KHDRBS2: variants seen among roughly 807,000 people sequenced by gnomAD.
KHDRBS2 encodes the protein KH RNA binding domain containing, signal transduction associated 2.
A neutral mutation model predicts 44.3 loss-of-function variants in KHDRBS2; 26 were observed. That is an observed-to-expected ratio of 0.59 (90% CI 0.43 to 0.81). The LOEUF is 0.81. Among genes scored for constraint, KHDRBS2 ranks in the 40% least tolerant of loss-of-function variants. The pLI is 0.00. For synonymous variants in KHDRBS2, 194 were observed against 151.1 expected, an observed-to-expected ratio of 1.28 and a Z score of -2.08; for missense variants, 476 against 433.1, an observed-to-expected ratio of 1.10 and a Z score of -0.88.
intron 6 of KHDRBS2, among the ~76,000 whole-genome samples, chr6:61,776,677 T>C (rs1183213131): frequency 1.3e-5 from 2 of 152,170 alleles, no homozygotes; most frequent in African/African-American, 2.4e-5. Context: ...GGAACACTTT[T>C]ACACTGTTGG....
At chr6:61,621,937 T>C in the KHDRBS2 span, among the ~76,000 whole-genome samples, 3 of 152,164 alleles carry the variant, frequency 2.0e-5, no homozygotes, top group African/African-American at 7.2e-5. Context: ...AGCTTCACCA[T>C]AGAGATAGTA....
chr6:62,280,030 T>C (rs79541709), intron 1 of KHDRBS2, among the ~76,000 whole-genome samples: 1,811 of 152,284 alleles, frequency 0.012, 32 homozygotes, highest in African/African-American at 0.041. Context: ...AACCTGATCA[T>C]TCTAAAATAA....
intron 2 of KHDRBS2, among the ~76,000 whole-genome samples, chr6:62,096,909 C>T (rs1382529893): frequency 7.9e-5 from 12 of 151,686 alleles, no homozygotes; most frequent in Admixed American, 7.9e-4. Flanking sequence ...TTTGGGAGTA[C>T]TATAGATTTG....
At chr6:61,562,750 G>T in the KHDRBS2 span, among the ~76,000 whole-genome samples, 3 of 152,052 alleles carry the variant, frequency 2.0e-5, no homozygotes, top group Non-Finnish European at 4.4e-5. Flanking sequence ...ACTATCTCCT[G>T]TAATGAAAGT....
intron 6 of KHDRBS2, among the ~76,000 whole-genome samples, chr6:61,851,460 T>G (rs1346457597): frequency 6.6e-6 from 1 of 152,108 alleles, no homozygotes; most frequent in Admixed American, 6.6e-5. Context: ...GAGACGCAGC[T>G]TTTAAAGAGG....
chr6:62,111,096 A>G (rs964784894), intron 2 of KHDRBS2, among the ~76,000 whole-genome samples: 18 of 152,108 alleles, frequency 1.2e-4, no homozygotes, highest in African/African-American at 3.9e-4. Flanking sequence ...AACTAGATCA[A>G]TTGCTGCAAT....
intron 2 of KHDRBS2, among the ~76,000 whole-genome samples, chr6:62,166,881 A>T (rs1818801465): frequency 6.6e-6 from 1 of 152,066 alleles, no homozygotes; most frequent in Admixed American, 6.6e-5. Context: ...AGTGTAGAGA[A>T]GCTTACTGAA....
At chr6:61,676,816 C>T (rs1390725803), downstream of KHDRBS2, among the ~76,000 whole-genome samples, 1 of 151,744 alleles carries the variant, frequency 6.6e-6, no homozygotes, top group Non-Finnish European at 1.5e-5. Context: ...GTATAGAACC[C>T]ATATTAAAGG....
chr6:61,918,281 A>G (rs1165190151), intron 4 of KHDRBS2, among the ~76,000 whole-genome samples: 1 of 151,932 alleles, frequency 6.6e-6, no homozygotes. Context: ...TAGCTCATAG[A>G]TGCCTAAATC....
At chr6:62,279,200 G>A (rs946772080) in intron 1 of KHDRBS2, among the ~76,000 whole-genome samples, 3 of 152,116 alleles carry the variant, frequency 2.0e-5, no homozygotes, top group African/African-American at 7.2e-5. Flanking sequence ...ATACCTCACA[G>A]AGTAAAGAAG....
chr6:61,971,319 A>G (rs2127399288), intron 4 of KHDRBS2, among the ~76,000 whole-genome samples: 1 of 152,248 alleles, frequency 6.6e-6, no homozygotes, highest in South Asian at 2.1e-4. Flanking sequence ...TCTAGTTTAA[A>G]TATCATCTGG....
intron 2 of KHDRBS2, among the ~76,000 whole-genome samples, chr6:62,049,578 G>A (rs1213752188): frequency 2.6e-5 from 4 of 151,436 alleles, no homozygotes; most frequent in African/African-American, 9.7e-5. Context: ...CTTTTGGGAA[G>A]TGTCTGCTCA....
the KHDRBS2 span, among the ~76,000 whole-genome samples, chr6:61,632,297 T>C: frequency 2.0e-5 from 3 of 152,130 alleles, no homozygotes; most frequent in South Asian, 6.2e-4. Context: ...TATGAGAATC[T>C]AGTAAACTCA....
chr6:61,700,840 G>T (rs1480447720), intron 7 of KHDRBS2, among the ~76,000 whole-genome samples: 1 of 151,742 alleles, frequency 6.6e-6, no homozygotes, highest in Admixed American at 6.6e-5. Context: ...AGGTACCTCT[G>T]CCTCTAAAAG....
chr6:61,992,953 C>T lies in KHDRBS2; in HGVS notation c.337-14741G>A, dbSNP rs145435246. The stretch of plus-strand genomic sequence containing the variant: ...ATGCCTGCGAACCTGTAAGAGACGG[C>T]GTATATGGGAGGAAAGGTGTACTGG... On this transcript the variant is annotated intron_variant, in intron 3 of 8. Coordinates refer to ENST00000281156, the MANE Select transcript of KHDRBS2 (RefSeq NM_152688.4). 3.8e-3 allele frequency among the ~76,000 whole-genome samples: 571 copies of T among 152,180 alleles called. 4 individuals are homozygous for T. The highest frequency in any genetic ancestry group is 0.012 in the African/African-American group (515 of 41,520).
intron 8 of KHDRBS2, among the ~76,000 whole-genome samples, chr6:61,684,984 CT>C (rs1766665930): frequency 6.6e-6 from 1 of 151,486 alleles, no homozygotes; most frequent in African/African-American, 2.4e-5. Context: ...ATGCCAGTTA[CT>C]ATACTATGTC....
At chr6:61,563,912 G>T in the KHDRBS2 span, among the ~76,000 whole-genome samples, 1 of 152,074 alleles carries the variant, frequency 6.6e-6, no homozygotes, top group Non-Finnish European at 1.5e-5. Flanking sequence ...ACAAGTTAAA[G>T]TTTTAAAACA....
the KHDRBS2 span, among the ~76,000 whole-genome samples, chr6:61,572,945 CAT>C: frequency 3.3e-5 from 5 of 152,188 alleles, no homozygotes; most frequent in African/African-American, 1.2e-4. Flanking sequence ...TTCTATTCAA[CAT>C]AGTACTGGAA....
At chr6:61,630,491 G>C in the KHDRBS2 span, 1 of 152,166 alleles carries the variant, frequency 6.6e-6, no homozygotes, top group African/African-American at 2.4e-5. Flanking sequence ...ATTGTATTTG[G>C]AGGAAAGTAT....
Sources: gnomAD v4.1 joint callset for allele counts (sites outside exome capture counted in the v4.1 genomes callset) on GRCh38, gnomAD v4.1.1 for gene constraint, MANE v1.5 for transcripts, NCBI Gene and HGNC (gene_info 2026-07-23, HGNC 2026-07-21) for gene names.